AARS1: variants seen among roughly 807,000 people sequenced by gnomAD.
AARS1 encodes the protein alanyl-tRNA synthetase 1, also known as alanine--tRNA ligase, cytoplasmic.
AARS1 carries 72 observed loss-of-function variants against 108.9 expected under a neutral mutation model. The ratio of observed to expected loss-of-function variants is 0.66; its 90% CI spans 0.55 to 0.80. AARS1 has a LOEUF of 0.80. Among genes scored for constraint, AARS1 ranks in the 30% least tolerant of loss-of-function variants. The pLI is 0.00. For synonymous variants in AARS1, 489 were observed against 465.7 expected, an observed-to-expected ratio of 1.05 and a Z score of -0.64; for missense variants, 1,193 against 1,233.2, an observed-to-expected ratio of 0.97 and a Z score of 0.49.
At chr16:70,278,251 G>T (rs1359543911) in intron 2 of AARS1, among the ~76,000 whole-genome samples, 1 of 151,734 alleles carries the variant, frequency 6.6e-6, no homozygotes, top group Admixed American at 6.6e-5. Flanking sequence ...TAAATAATTA[G>T]TAATTAATAT....
chr16:70,253,669 A>T (rs749782227), intron 19 of AARS1, 45 bp downstream of exon 19: 1 of 1,594,602 alleles, frequency 6.3e-7, no homozygotes. Context: ...CAGCCACCAG[A>T]GAGCTGATGA....
At chr16:70,281,449 T>C (rs949030734) in intron 2 of AARS1, among the ~76,000 whole-genome samples, 6 of 152,110 alleles carry the variant, frequency 3.9e-5, no homozygotes, top group African/African-American at 1.4e-4. Flanking sequence ...GTGGATCACC[T>C]GAGGTCAGGA....
intron 15 of AARS1, among the ~76,000 whole-genome samples, chr16:70,257,359 G>A (rs1960016330): frequency 1.3e-5 from 2 of 152,138 alleles, no homozygotes; most frequent in Admixed American, 6.6e-5. Context: ...AGGTTGCAAT[G>A]AGCCGAGACT....
chr16:70,255,970 C>A (rs185248006), intron 15 of AARS1, 134 bp from the exon 16 acceptor site: 69 of 776,796 alleles, frequency 8.9e-5, no homozygotes, highest in East Asian at 8.3e-4. Context: ...TATTCTGACA[C>A]CAAGCGGGAC....
At position 70,269,802 on chromosome 16, in the gene AARS1, G is replaced by C. The variant is rs760513457; in HGVS notation, c.817-39C>G. 3 of 1,613,090 alleles carry C rather than the reference G, an allele frequency of 1.9e-6. No homozygotes were observed. The African/African-American group carries it at 4.0e-5, about 22-fold the overall frequency. ...TCAGGAGGCAGCCCTTTAGGAAGCA[G>C]ACTTTCTGGCGCTACCTTGCCCAAG... On this transcript the variant is annotated intron_variant, in intron 6 of 20. Transcript: ENST00000261772.
chr16:70,265,305 CT>C, intron 10 of AARS1: 1 of 913,106 alleles, frequency 1.1e-6, no homozygotes, highest in Non-Finnish European at 1.7e-6. Flanking sequence ...ACCCTGGCCT[CT>C]ACCAAGTACG....
chr16:70,259,239 C>A lies in AARS1; in HGVS notation c.1786-53G>T. The A allele has an allele frequency of 1.9e-6, 3 of 1,551,802 alleles. No individual in the cohort carries two copies. In the South Asian group the frequency reaches 3.4e-5, roughly 17 times the overall value. ...AGGTCTGTAATAGACTGCTAGTTAT[C>A]TCCTCGTTATCTGCTCCCCCGAGTG... On this transcript the variant is annotated intron_variant, in intron 13 of 20. Transcript: ENST00000261772.
In AARS1 at chr16:70,270,259, C is replaced by G. The variant is rs759349275; in HGVS notation, c.753G>C (p.Leu251=). 1.2e-6 allele frequency: 2 copies of G among 1,614,170 alleles called. No individual in the cohort carries two copies. Among genetic ancestry groups the G allele is most frequent in the South Asian group, 2.2e-5 (2 of 91,084 alleles). ...TGTCATAGTTGGACATCTTATTCTG[C>G]AGCACAGATACCAGTCGTTCCAGGC... The part of the protein sequence containing the change: ...GMGLERLVSV[L]QNKMSNYDTD... Residue 251 remains leucine (L), a synonymous_variant, in exon 6 of 21, where the codon CTG becomes CTC. Transcript: ENST00000261772.
chr16:70,254,429 CA>C (rs1222872956), intron 17 of AARS1, 191 bp downstream of exon 17: 3 of 629,030 alleles, frequency 4.8e-6, no homozygotes, highest in Non-Finnish European at 8.7e-6. Context: ...GCACTGGGAG[CA>C]GCAGGGAATG....
intron 15 of AARS1, among the ~76,000 whole-genome samples, chr16:70,257,628 G>C (rs537560843): frequency 6.6e-6 from 1 of 152,196 alleles, no homozygotes; most frequent in South Asian, 2.1e-4. Context: ...CCCAGATGCC[G>C]CCCAAGCTGT....
intron 1 of AARS1, among the ~76,000 whole-genome samples, chr16:70,288,350 C>T (rs962143763): frequency 6.6e-6 from 1 of 151,642 alleles, no homozygotes; most frequent in African/African-American, 2.4e-5. Flanking sequence ...ACCTCGTGAT[C>T]TGCCCACCTC....
At chr16:70,252,995 C>G in intron 20 of AARS1, 89 bp from the exon 21 acceptor site, 1 of 1,393,396 alleles carries the variant, frequency 7.2e-7, no homozygotes, top group Non-Finnish European at 1.0e-6. Flanking sequence ...GAGCCATCAC[C>G]CACTCCTTGC....
Position 70,258,224 on chromosome 16 carries a change from G to C in AARS1, c.1993-7C>G. On this transcript the variant is annotated splice_polypyrimidine_tract_variant and splice_region_variant and intron_variant, in intron 14 of 20. Coordinates refer to ENST00000261772, the MANE Select transcript of AARS1 (RefSeq NM_001605.3). ...AATCCTGGGTATAGACGGCCTGCCA[G>C]ACCAAGAAGACAGAAAAGAGCTGGA... 1 of 1,580,928 alleles carries C rather than the reference G, an allele frequency of 6.3e-7. No homozygotes were observed. The highest frequency in any genetic ancestry group is 8.6e-7 in the Non-Finnish European group (1 of 1,162,498).
chr16:70,283,888 G>A (rs745331246), intron 1 of AARS1, among the ~76,000 whole-genome samples: 6 of 152,208 alleles, frequency 3.9e-5, no homozygotes, highest in Non-Finnish European at 7.3e-5. Context: ...AAGGGAACTG[G>A]TGGAGAGAGA....
chr16:70,281,403 C>T (rs1389999096), intron 2 of AARS1, among the ~76,000 whole-genome samples: 1 of 152,066 alleles, frequency 6.6e-6, no homozygotes, highest in Admixed American at 6.6e-5. Flanking sequence ...AGGTGGCTCA[C>T]GTCTATAATC....
chr16:70,264,244 T>A (rs1960211961), intron 11 of AARS1, among the ~76,000 whole-genome samples: 1 of 150,296 alleles, frequency 6.7e-6, no homozygotes, highest in Non-Finnish European at 1.5e-5. Context: ...AGATTCCATC[T>A]CAGAAAAAAA....
chr16:70,259,363 A>G (rs1404988440), intron 13 of AARS1, among the ~76,000 whole-genome samples, 177 bp from the exon 14 acceptor site: 1 of 152,180 alleles, frequency 6.6e-6, no homozygotes, highest in Non-Finnish European at 1.5e-5. Context: ...TTCGGGTCAA[A>G]AGGTTTTGAA....
At chr16:70,254,095 T>C in intron 17 of AARS1, 57 bp from the exon 18 acceptor site, 1 of 1,608,502 alleles carries the variant, frequency 6.2e-7, no homozygotes, top group East Asian at 2.2e-5. Flanking sequence ...GATGTCAGGG[T>C]CCAGCCCACC....
At chr16:70,257,426 C>CA (rs572743274) in intron 15 of AARS1, among the ~76,000 whole-genome samples, 5 of 151,774 alleles carry the variant, frequency 3.3e-5, no homozygotes, top group East Asian at 1.9e-4. Flanking sequence ...AAAAAACAAA[C>CA]AAAAAAAACC....
Sources: allele counts gnomAD v4.1 joint callset (sites outside exome capture counted in the v4.1 genomes callset), GRCh38; gene constraint gnomAD v4.1.1; transcripts MANE v1.5; gene names NCBI Gene and HGNC (gene_info 2026-07-23, HGNC 2026-07-21).